The following LEF1 variants were observed in gnomAD, a reference collection of about 807,000 sequenced individuals.
The protein encoded by LEF1 is lymphoid enhancer binding factor 1.
LEF1 carries 14 observed loss-of-function variants against 51.2 expected under a neutral mutation model. The ratio of observed to expected loss-of-function variants is 0.27; its 90% CI spans 0.18 to 0.43. The LOEUF (loss-of-function observed/expected upper bound fraction) is 0.43, where lower values mean the gene tolerates loss of function less well. Among genes scored for constraint, LEF1 ranks in the 20% least tolerant of loss-of-function variants. The pLI, the probability that LEF1 is intolerant of heterozygous loss-of-function variation, is 1.00. For missense variants in LEF1, 386 were observed against 512.0 expected, an observed-to-expected ratio of 0.75 and a Z score of 2.37; for synonymous variants, 185 against 183.2, an observed-to-expected ratio of 1.01 and a Z score of -0.08.
chr4:108,110,050 T>C (rs959509935), intron 3 of LEF1, among the ~76,000 whole-genome samples: 3 of 152,120 alleles, frequency 2.0e-5, no homozygotes, highest in African/African-American at 7.2e-5. Flanking sequence ...GGGAAAGTAA[T>C]GAGGATTTGT....
intron 3 of LEF1, among the ~76,000 whole-genome samples, chr4:108,128,976 C>G (rs981147973): frequency 2.0e-5 from 3 of 152,144 alleles, no homozygotes; most frequent in Admixed American, 6.6e-5. Context: ...AAATTACAGG[C>G]TAACATTTTT....
chr4:108,070,954 T>A, intron 8 of LEF1, 184 bp from the exon 9 acceptor site: 1 of 539,456 alleles, frequency 1.9e-6, no homozygotes, highest in Non-Finnish European at 3.3e-6. Context: ...ACAGTGAAAC[T>A]CAAACTTTGG....
intron 3 of LEF1, among the ~76,000 whole-genome samples, chr4:108,097,892 A>C (rs936981095): frequency 4.6e-5 from 7 of 152,194 alleles, no homozygotes; most frequent in Admixed American, 6.5e-5. Flanking sequence ...GAAGGTAAAC[A>C]AATCAATTAA....
At chr4:108,128,122 A>G (rs1195310439) in intron 3 of LEF1, among the ~76,000 whole-genome samples, 1 of 152,202 alleles carries the variant, frequency 6.6e-6, no homozygotes, top group African/African-American at 2.4e-5. Context: ...ACCATTATGT[A>G]CCATTCTCAG....
At chr4:108,156,795 T>A (rs754841077) in intron 3 of LEF1, among the ~76,000 whole-genome samples, 15 of 151,480 alleles carry the variant, frequency 9.9e-5, no homozygotes, top group Non-Finnish European at 1.6e-4. Flanking sequence ...TGCTTGTAAG[T>A]GTGAGCTAAA....
intron 8 of LEF1, among the ~76,000 whole-genome samples, chr4:108,073,983 G>A (rs915734128): frequency 6.6e-6 from 1 of 151,990 alleles, no homozygotes; most frequent in Non-Finnish European, 1.5e-5. Flanking sequence ...GTCCCACCAC[G>A]CCCGGCTACT....
At chr4:108,156,744 T>C (rs1359802396) in intron 3 of LEF1, among the ~76,000 whole-genome samples, 1 of 152,084 alleles carries the variant, frequency 6.6e-6, no homozygotes, top group Non-Finnish European at 1.5e-5. Flanking sequence ...TTAAAAAAGA[T>C]TTATAAAAAT....
intron 3 of LEF1, chr4:108,104,813 TCTGA>T: frequency 3.3e-6 from 1 of 301,310 alleles, no homozygotes; most frequent in Non-Finnish European, 4.9e-6. Context: ...ATGGCATCAA[TCTGA>T]CTCTCTGGGG....
chr4:108,144,865 CAAAAAAAAAAAAA>C lies in LEF1; in HGVS notation c.414+18690_414+18702del, dbSNP rs11394687. On this transcript the variant is annotated intron_variant, in intron 3 of 11. Transcript: ENST00000265165. ...ACAGCAAAGAATTGACCCAACCAGC[CAAAAAAAAAAAAA>C]AAAAAAAAAAAGAAGAGTATCCTCA... is the stretch of plus-strand genomic sequence containing the variant. Among the ~76,000 whole-genome samples the C allele has an allele frequency of 3.2e-3, 135 of 41,938 alleles. 1 individual carries two copies. Among genetic ancestry groups the C allele is most frequent in the African/African-American group, 0.012 (118 of 10,106 alleles). The allele number at this position is 41,938 out of a possible 152,430, so 27.5% of individuals were successfully genotyped here.
Position 108,136,866 on chromosome 4 carries a change from T to C in LEF1, c.414+26702A>G, listed in dbSNP as rs1743297236. ...ATTTTTATGAAATTATATAAGTATGTAGTCATTGAAAACTAAATAGCTACC... is the reference window on the plus strand; with the variant it reads ...ATTTTTATGAAATTATATAAGTATGCAGTCATTGAAAACTAAATAGCTACC... On this transcript the variant is annotated intron_variant, in intron 3 of 11. Coordinates refer to ENST00000265165, the MANE Select transcript of LEF1 (RefSeq NM_016269.5). 4.6e-5 allele frequency among the ~76,000 whole-genome samples: 7 copies of C among 152,280 alleles called. No individual in the cohort carries two copies. In the South Asian group the frequency reaches 1.5e-3, roughly 32 times the overall value.
At chr4:108,139,936 G>C (rs1743537289) in intron 3 of LEF1, among the ~76,000 whole-genome samples, 1 of 151,934 alleles carries the variant, frequency 6.6e-6, no homozygotes, top group African/African-American at 2.4e-5. Flanking sequence ...GAAAAACACA[G>C]ATTTCTTACC....
intron 3 of LEF1, among the ~76,000 whole-genome samples, chr4:108,115,669 G>A (rs912708692): frequency 6.6e-6 from 1 of 152,076 alleles, no homozygotes; most frequent in African/African-American, 2.4e-5. Context: ...CTCTGCTTCT[G>A]GCATTTACAG....
At chr4:108,155,897 T>G (rs1294936825) in intron 3 of LEF1, among the ~76,000 whole-genome samples, 3 of 152,162 alleles carry the variant, frequency 2.0e-5, no homozygotes, top group Non-Finnish European at 4.4e-5. Flanking sequence ...TTCACCACAT[T>G]GCAAAAGGAT....
chr4:108,135,174 T>C (rs535432742), intron 3 of LEF1, among the ~76,000 whole-genome samples: 6 of 152,158 alleles, frequency 3.9e-5, no homozygotes, highest in African/African-American at 1.4e-4. Flanking sequence ...AAGACGCTAT[T>C]AAGACTCTAA....
At position 108,105,240 on chromosome 4, in the gene LEF1, G is replaced by T. The variant is rs867057351; in HGVS notation, c.415-15983C>A. ...CTGTTGCCCAGGCTGGAGTGCAGTG[G>T]CACAATCTTGGCTCACCACAACCTC... On this transcript the variant is annotated intron_variant, in intron 3 of 11. Coordinates refer to ENST00000265165, the MANE Select transcript of LEF1 (RefSeq NM_016269.5). Among the ~76,000 whole-genome samples the T allele has an allele frequency of 3.5e-4, 53 of 150,470 alleles. 1 individual carries two copies. Among genetic ancestry groups the T allele is most frequent in the African/African-American group, 1.2e-3 (48 of 40,838 alleles).
chr4:108,118,900 G>A (rs1384370117), intron 3 of LEF1, among the ~76,000 whole-genome samples: 1 of 151,260 alleles, frequency 6.6e-6, no homozygotes, highest in African/African-American at 2.4e-5. Context: ...CTATTCTTGA[G>A]CTTCTTTTTG....
chr4:108,052,327 T>G (rs1268015344), intron 11 of LEF1, among the ~76,000 whole-genome samples: 1 of 152,242 alleles, frequency 6.6e-6, no homozygotes, highest in Non-Finnish European at 1.5e-5. Flanking sequence ...AGACCCTTTC[T>G]TCGTCGTCCT....
intron 3 of LEF1, among the ~76,000 whole-genome samples, chr4:108,111,695 T>C (rs1392450259): frequency 2.0e-5 from 3 of 152,158 alleles, no homozygotes; most frequent in South Asian, 2.1e-4. Context: ...GTGAATTGCT[T>C]GAGCTCAGGA....
intron 3 of LEF1, among the ~76,000 whole-genome samples, chr4:108,157,929 C>A (rs1306321229): frequency 6.6e-6 from 1 of 152,194 alleles, no homozygotes; most frequent in Non-Finnish European, 1.5e-5. Context: ...TAACAGTCTG[C>A]AAATAGTCCC....
Sources: allele counts gnomAD v4.1 joint callset (sites outside exome capture counted in the v4.1 genomes callset), GRCh38; gene constraint gnomAD v4.1.1; transcripts MANE v1.5; gene names NCBI Gene and HGNC (gene_info 2026-07-23, HGNC 2026-07-21).